UBR2: variants seen among roughly 807,000 people sequenced by gnomAD.
UBR2 encodes the protein ubiquitin protein ligase E3 component n-recognin 2.
In UBR2, 92 loss-of-function variants were observed where a neutral mutation model predicts 247.9. That is an observed-to-expected ratio of 0.37 (90% CI 0.31 to 0.44). UBR2 has a LOEUF of 0.44. Ranked by LOEUF, UBR2 falls within the 20% of genes least tolerant of loss-of-function variation. The pLI is 1.00. For missense variants in UBR2, 1,613 were observed against 2,112.6 expected (o/e 0.76, Z 4.64); for synonymous variants, 672 against 693.5 (o/e 0.97, Z 0.49).
intron 2 of UBR2, among the ~76,000 whole-genome samples, chr6:42,588,685 C>A (rs1300008064): frequency 1.3e-5 from 2 of 152,100 alleles, no homozygotes; most frequent in African/African-American, 4.8e-5. Context: ...ACAACAACAA[C>A]AAAAAGTTTT....
intron 1 of UBR2, among the ~76,000 whole-genome samples, chr6:42,570,041 G>A (rs564201333): frequency 9.5e-6 from 1 of 104,716 alleles, no homozygotes; most frequent in South Asian, 3.3e-4. Context: ...AGAAACAGTT[G>A]CAGTTAGCAT....
intron 21 of UBR2, among the ~76,000 whole-genome samples, chr6:42,647,582 T>A (rs1268148780): frequency 6.6e-6 from 1 of 152,046 alleles, no homozygotes; most frequent in African/African-American, 2.4e-5. Flanking sequence ...GGTAACAATG[T>A]GAGACTCTGT....
chr6:42,592,329 G>A, intron 3 of UBR2, 100 bp downstream of exon 3: 3 of 978,916 alleles, frequency 3.1e-6, no homozygotes, highest in Admixed American at 3.3e-5. Context: ...TAAAATGGGG[G>A]GAGGGTGGTT....
In UBR2 at chr6:42,640,728, T is replaced by A. The variant is rs191310215; in HGVS notation, c.1920+458T>A. On this transcript the variant is annotated intron_variant, in intron 16 of 46. Transcript: ENST00000372901. ...CTGCTTTACTCAGAGTCTATGATTTTTTTTTATTTTTATTTTTTTGAGACA... is the reference window on the plus strand; with the variant it reads ...CTGCTTTACTCAGAGTCTATGATTTATTTTTATTTTTATTTTTTTGAGACA... Among the ~76,000 whole-genome samples the A allele has an allele frequency of 4.3e-3, 655 of 152,124 alleles. 6 individuals carry two copies. Among genetic ancestry groups the A allele is most frequent in the African/African-American group, 0.015 (616 of 41,498 alleles).
At chr6:42,630,265 A>T (rs772056526) in intron 11 of UBR2, among the ~76,000 whole-genome samples, 36 of 150,920 alleles carry the variant, frequency 2.4e-4, no homozygotes, top group Non-Finnish European at 4.3e-4. Context: ...GTTCACTGCA[A>T]CCTCTGCCTC....
intron 11 of UBR2, among the ~76,000 whole-genome samples, chr6:42,628,659 G>A (rs574802425): frequency 6.7e-6 from 1 of 149,618 alleles, no homozygotes; most frequent in African/African-American, 2.5e-5. Context: ...TGAGGTGGAG[G>A]TTGCAGTGAG....
intron 11 of UBR2, among the ~76,000 whole-genome samples, chr6:42,630,133 CAGTAGTAGTAGTAGT>C (rs79492372): frequency 3.5e-4 from 52 of 149,020 alleles, no homozygotes; most frequent in Non-Finnish European, 6.2e-4. Context: ...GTAGCAGTAG[CAGTAGTAGTAGTAGT>C]AGTAGTAGTA....
chr6:42,654,528 C>T (rs937902647), intron 25 of UBR2, among the ~76,000 whole-genome samples: 1 of 152,048 alleles, frequency 6.6e-6, no homozygotes, highest in Non-Finnish European at 1.5e-5. Flanking sequence ...AGTTCAAGAC[C>T]AGCCTGTACA....
intron 4 of UBR2, among the ~76,000 whole-genome samples, chr6:42,598,705 T>C (rs1263096779): frequency 2.0e-5 from 3 of 152,212 alleles, no homozygotes; most frequent in Non-Finnish European, 4.4e-5. Flanking sequence ...TATTAAGAAA[T>C]GTTATGTTTC....
chr6:42,574,170 T>C (rs771077547), intron 2 of UBR2, among the ~76,000 whole-genome samples, 177 bp downstream of exon 2: 1 of 152,196 alleles, frequency 6.6e-6, no homozygotes, highest in Non-Finnish European at 1.5e-5. Context: ...TAATTATTCT[T>C]GATCAAAAAA....
In UBR2 at chr6:42,689,458, C is replaced by T. The variant is rs1799628268; in HGVS notation, c.5025-111C>T. On this transcript the variant is annotated intron_variant, in intron 45 of 46. Coordinates refer to ENST00000372901, the MANE Select transcript of UBR2 (RefSeq NM_001363705.2). The surrounding 1 kb of genome is among the most constrained non-coding windows in gnomAD (Gnocchi z 4.0). ...ACAATTTTTTAATGGATAACTTCCT[C>T]CTAATAGTGGTTTAAATATCAGTAC... 4 of 1,057,092 alleles carry T rather than the reference C, an allele frequency of 3.8e-6. No homozygotes were observed. In the African/African-American group the frequency reaches 4.7e-5, roughly 12 times the overall value. 65.5% of individuals were successfully genotyped at this position (1,057,092 alleles called of 1,614,324 possible).
chr6:42,640,934 G>A (rs1249982873), intron 16 of UBR2, among the ~76,000 whole-genome samples: 1 of 151,616 alleles, frequency 6.6e-6, no homozygotes, highest in African/African-American at 2.4e-5. Context: ...TCACCATGTT[G>A]CCCAGGCTGG....
At chr6:42,680,028 C>T (rs1295643479) in intron 42 of UBR2, among the ~76,000 whole-genome samples, 196 bp downstream of exon 42, 1 of 152,094 alleles carries the variant, frequency 6.6e-6, no homozygotes, top group East Asian at 1.9e-4. Flanking sequence ...TGTTTTGAGA[C>T]TGAGTCTTGC....
At chr6:42,665,576 C>CA (rs1287631183) in intron 33 of UBR2, 64 bp downstream of exon 33, 2 of 1,287,486 alleles carry the variant, frequency 1.6e-6, no homozygotes, top group Admixed American at 2.3e-5. Context: ...AATGTATTTC[C>CA]AGAAGAAGTT....
chr6:42,618,121 C>G (rs1480788744), intron 11 of UBR2, among the ~76,000 whole-genome samples: 1 of 152,192 alleles, frequency 6.6e-6, no homozygotes, highest in African/African-American at 2.4e-5. Context: ...GTGACCCTTC[C>G]CTCATCAAAC....
intron 7 of UBR2, among the ~76,000 whole-genome samples, chr6:42,609,293 G>A (rs1793913053): frequency 6.6e-6 from 1 of 152,090 alleles, no homozygotes; most frequent in African/African-American, 2.4e-5. Context: ...AGTCACAGAG[G>A]ACTGGAGACA....
chr6:42,671,247 A>C (rs1732920756), intron 36 of UBR2, among the ~76,000 whole-genome samples: 1 of 151,696 alleles, frequency 6.6e-6, no homozygotes, highest in Non-Finnish European at 1.5e-5. Flanking sequence ...CTCTACACAA[A>C]TTTTAAAATT....
rs920524430 is a variant in UBR2, at chr6:42,693,338, T to C, written c.*2165T>C. On this transcript the variant is annotated 3_prime_UTR_variant, in exon 47 of 47. Transcript: ENST00000372901. ...TGATTTGTTCCGCATGTTTTATGTTTATTGTAGAAATGTTTATATAACATA... is the reference window on the plus strand; with the variant it reads ...TGATTTGTTCCGCATGTTTTATGTTCATTGTAGAAATGTTTATATAACATA... The C allele has an allele frequency of 3.9e-5, 6 of 152,248 alleles. No homozygotes were observed. The highest frequency in any genetic ancestry group is 1.2e-4 in the African/African-American group (5 of 41,458). The allele number at this position is 152,248 out of a possible 1,614,324, so 9.4% of individuals were successfully genotyped here.
intron 1 of UBR2, among the ~76,000 whole-genome samples, chr6:42,568,213 G>A (rs547845432): frequency 1.3e-5 from 2 of 152,126 alleles, no homozygotes; most frequent in Middle Eastern, 6.8e-3. Flanking sequence ...TCAGATTCAT[G>A]CAATCATCAC....
Sources: allele counts gnomAD v4.1 joint callset (sites outside exome capture counted in the v4.1 genomes callset), GRCh38; gene constraint gnomAD v4.1.1; non-coding constraint Gnocchi (gnomAD v3.1); transcripts MANE v1.5; gene names NCBI Gene and HGNC (gene_info 2026-07-23, HGNC 2026-07-21).